The following EPB41L4B variants were observed in gnomAD, a reference collection of about 807,000 sequenced individuals.
The protein encoded by EPB41L4B is erythrocyte membrane protein band 4.1 like 4B, also known as band 4.1-like protein 4B.
A neutral mutation model predicts 112.5 loss-of-function variants in EPB41L4B; 30 were observed. The observed-to-expected ratio is 0.27, with a 90% CI of 0.20 to 0.36. EPB41L4B has a LOEUF of 0.36. EPB41L4B is among the 10% of genes least tolerant of loss of function. EPB41L4B has a pLI of 1.00. For synonymous variants in EPB41L4B, 408 were observed against 439.7 expected (o/e 0.93, Z 0.90); for missense variants, 1,024 against 1,133.3 (o/e 0.90, Z 1.38).
chr9:109,260,040 A>G (rs1588180520), intron 6 of EPB41L4B, among the ~76,000 whole-genome samples: 1 of 152,082 alleles, frequency 6.6e-6, no homozygotes, highest in African/African-American at 2.4e-5. Flanking sequence ...ATGTAACAAG[A>G]GCCTCGCCTT....
chr9:109,255,371 C>T, intron 11 of EPB41L4B, 140 bp downstream of exon 11: 2 of 925,732 alleles, frequency 2.2e-6, no homozygotes, highest in South Asian at 1.8e-5. Flanking sequence ...GCTTCAGTTA[C>T]TCACCTTAAG....
At chr9:109,226,686 A>G (rs1833779862) in intron 15 of EPB41L4B, among the ~76,000 whole-genome samples, 1 of 64,494 alleles carries the variant, frequency 1.6e-5, no homozygotes, top group South Asian at 5.4e-4. Flanking sequence ...TATATGAAGA[A>G]TATATATATG....
intron 5 of EPB41L4B, among the ~76,000 whole-genome samples, chr9:109,264,039 TAGAGAG>T (rs370405426): frequency 1.4e-5 from 2 of 145,628 alleles, no homozygotes; most frequent in South Asian, 4.4e-4. Flanking sequence ...GAGAGAGAGG[TAGAGAG>T]AGAGAGAGAG....
At chr9:109,195,262 A>G (rs1832600387) in intron 20 of EPB41L4B, among the ~76,000 whole-genome samples, 1 of 151,992 alleles carries the variant, frequency 6.6e-6, no homozygotes, top group African/African-American at 2.4e-5. Flanking sequence ...TACAAGACCC[A>G]TGACAGGTAG....
rs143722361 is a variant in EPB41L4B at position 109,197,165 on chromosome 9, G to A, written c.2046-2768C>T. Among the ~76,000 whole-genome samples, 1,046 of 152,338 alleles carry A rather than the reference G, an allele frequency of 6.9e-3. 10 individuals are homozygous for A. The highest frequency in any genetic ancestry group is 0.011 in the Admixed American group (166 of 15,308). On this transcript the variant is annotated intron_variant, in intron 20 of 25. Coordinates refer to ENST00000374566, the MANE Select transcript of EPB41L4B (RefSeq NM_019114.5). ...AGGCCAGGTGTGGTGGCTCATGCCT[G>A]TAATCCCAGCACTTTGGGAGGCTGA... is the stretch of plus-strand genomic sequence containing the variant.
At chr9:109,264,735 G>A (rs1588185751) in intron 5 of EPB41L4B, among the ~76,000 whole-genome samples, 1 of 152,300 alleles carries the variant, frequency 6.6e-6, no homozygotes, top group Admixed American at 6.5e-5. Context: ...CAGGGAGAGA[G>A]TTATTCCCAA....
rs368316326 is a variant in EPB41L4B at position 109,281,477 on chromosome 9, C to G, written c.307-1556G>C. 2.0e-3 allele frequency among the ~76,000 whole-genome samples: 298 copies of G among 152,220 alleles called. 13 individuals carry two copies. The South Asian group carries it at 0.057, about 29-fold the overall frequency. ...CCACAATTTGGGAGTCTGAGGCGGGCAGATCACTTGAGATCAGGAGTTCAA... is the reference window on the plus strand; with the variant it reads ...CCACAATTTGGGAGTCTGAGGCGGGGAGATCACTTGAGATCAGGAGTTCAA... On this transcript the variant is annotated intron_variant, in intron 1 of 25. Transcript: ENST00000374566.
At position 109,185,475 on chromosome 9, in the gene EPB41L4B, G is replaced by A; in HGVS notation, c.2418+14C>T. 6.2e-7 allele frequency: 1 copy of A among 1,610,942 alleles called. No individual in the cohort carries two copies. The highest frequency in any genetic ancestry group is 8.5e-7 in the Non-Finnish European group (1 of 1,177,286). ...CTCTCCTGGCCAGGCCCCTCTCCCT[G>A]CCAGGGTACCTACCAGCCTCGTTTT... On this transcript the variant is annotated intron_variant, in intron 23 of 25. Transcript: ENST00000374566.
At chr9:109,263,001 TA>T in intron 6 of EPB41L4B, 48 bp downstream of exon 6, 1 of 1,321,826 alleles carries the variant, frequency 7.6e-7, no homozygotes, top group Non-Finnish European at 1.1e-6. Context: ...TTTGTTGAAA[TA>T]AAAAGCAATA....
chr9:109,177,688 T>C (rs1831892381), intron 24 of EPB41L4B, among the ~76,000 whole-genome samples: 1 of 151,928 alleles, frequency 6.6e-6, no homozygotes. Context: ...CCGGGCACGC[T>C]GGCGCACGCC....
chr9:109,205,815 A>G (rs4978782), intron 18 of EPB41L4B, among the ~76,000 whole-genome samples: 55,546 of 152,012 alleles, frequency 0.37, 10,640 homozygotes, highest in Middle Eastern at 0.45. Flanking sequence ...CTCCATTTTC[A>G]TAGGAGAGAA....
intron 14 of EPB41L4B, among the ~76,000 whole-genome samples, chr9:109,244,725 G>A (rs1334789550): frequency 6.6e-6 from 1 of 152,168 alleles, no homozygotes; most frequent in African/African-American, 2.4e-5. Context: ...CCTGCAGAGG[G>A]CAGTGGTCCT....
At chr9:109,207,359 CAGG>C (rs1247658567) in intron 18 of EPB41L4B, among the ~76,000 whole-genome samples, 1 of 152,006 alleles carries the variant, frequency 6.6e-6, no homozygotes, top group Non-Finnish European at 1.5e-5. Context: ...TGCTTGAGTC[CAGG>C]AGTTCGAGAC....
intron 17 of EPB41L4B, among the ~76,000 whole-genome samples, 168 bp downstream of exon 17, chr9:109,213,532 G>A (rs563036737): frequency 4.6e-5 from 7 of 152,356 alleles, no homozygotes; most frequent in African/African-American, 1.7e-4. Context: ...AGGAAGGTAA[G>A]TAAATATTTG....
chr9:109,244,478 C>T (rs1834475150), intron 14 of EPB41L4B, among the ~76,000 whole-genome samples: 1 of 124,898 alleles, frequency 8.0e-6, no homozygotes, highest in South Asian at 2.7e-4. Flanking sequence ...CAGAGTCTCA[C>T]TCTGTCACCC....
intron 1 of EPB41L4B, among the ~76,000 whole-genome samples, chr9:109,313,848 C>T (rs892278002): frequency 8.5e-5 from 13 of 152,102 alleles, no homozygotes; most frequent in Non-Finnish European, 1.8e-4. Flanking sequence ...AGACTTCCAT[C>T]AACCCACTTA....
chr9:109,318,296 A>G (rs896698197), intron 1 of EPB41L4B, among the ~76,000 whole-genome samples: 7 of 152,142 alleles, frequency 4.6e-5, no homozygotes, highest in African/African-American at 1.7e-4. Flanking sequence ...AGCCTTTTAT[A>G]AAGTGAAGAA....
intron 19 of EPB41L4B, among the ~76,000 whole-genome samples, chr9:109,202,779 A>G (rs950020170): frequency 6.6e-6 from 1 of 152,158 alleles, no homozygotes; most frequent in Non-Finnish European, 1.5e-5. Flanking sequence ...TATTTGAGTG[A>G]TGGATATTCT....
At chr9:109,182,285 C>T (rs1302187353) in intron 24 of EPB41L4B, among the ~76,000 whole-genome samples, 5 of 152,156 alleles carry the variant, frequency 3.3e-5, no homozygotes, top group African/African-American at 4.8e-5. Flanking sequence ...ATACATTATG[C>T]TAAGTGAAAG....
Sources: gnomAD v4.1 joint callset for allele counts (sites outside exome capture counted in the v4.1 genomes callset) on GRCh38, gnomAD v4.1.1 for gene constraint, MANE v1.5 for transcripts, NCBI Gene and HGNC (gene_info 2026-07-23, HGNC 2026-07-21) for gene names.